The following DNAAF9 variants were observed in gnomAD, a reference collection of about 807,000 sequenced individuals.
The protein encoded by DNAAF9 is shulin.
In DNAAF9, 90 loss-of-function variants were observed where a neutral mutation model predicts 167.0. The observed-to-expected ratio is 0.54, with a 90% CI of 0.45 to 0.64. The LOEUF (loss-of-function observed/expected upper bound fraction) is 0.64, where lower values mean the gene tolerates loss of function less well. Ranked by LOEUF, DNAAF9 falls within the 30% of genes least tolerant of loss-of-function variation. The pLI, the probability that DNAAF9 is intolerant of heterozygous loss-of-function variation, is 0.00. For missense variants in DNAAF9, 1,315 were observed against 1,442.2 expected, an observed-to-expected ratio of 0.91 and a Z score of 1.43; for synonymous variants, 491 against 508.8, an observed-to-expected ratio of 0.96 and a Z score of 0.47.
intron 10 of DNAAF9, among the ~76,000 whole-genome samples, chr20:3,336,928 T>C (rs1002624919): frequency 6.7e-6 from 1 of 148,190 alleles, no homozygotes; most frequent in Non-Finnish European, 1.5e-5. Context: ...TCGCCCAGGC[T>C]GGAGGCAGTG....
intron 9 of DNAAF9, among the ~76,000 whole-genome samples, chr20:3,343,116 G>A (rs2070120213): frequency 6.6e-6 from 1 of 152,116 alleles, no homozygotes; most frequent in African/African-American, 2.4e-5. Context: ...CCTGAGCCAG[G>A]AATGAAATTA....
intron 6 of DNAAF9, chr20:3,362,440 A>C (rs1167818432): frequency 9.6e-6 from 4 of 416,386 alleles, no homozygotes; most frequent in Non-Finnish European, 1.7e-5. Context: ...TTGCTTTCTT[A>C]TTATTATTCT....
intron 1 of DNAAF9, among the ~76,000 whole-genome samples, chr20:3,388,927 G>T (rs746878503): frequency 6.6e-6 from 1 of 152,144 alleles, no homozygotes; most frequent in East Asian, 1.9e-4. Flanking sequence ...ACACTTAGAA[G>T]TAGTTAAAAT....
intron 1 of DNAAF9, among the ~76,000 whole-genome samples, chr20:3,406,647 G>T (rs973550011): frequency 1.3e-5 from 2 of 152,182 alleles, no homozygotes; most frequent in Non-Finnish European, 2.9e-5. Flanking sequence ...AGGGGGCGGG[G>T]AACGCTCCCC....
At position 3,376,664 on chromosome 20, in the gene DNAAF9, C is replaced by T. The variant is rs145889683; in HGVS notation, c.284-362G>A. On this transcript the variant is annotated intron_variant, in intron 3 of 36. Transcript: ENST00000252032. ...TGTAAAGTGTACATTTGGTTTGGTC[C>T]AGAAAGTCGGGGTCAGGAGTGAAAG... Among the ~76,000 whole-genome samples, 814 of 152,306 alleles carry T rather than the reference C, an allele frequency of 5.3e-3. 7 individuals carry two copies. The highest frequency in any genetic ancestry group is 0.018 in the African/African-American group (758 of 41,558).
chr20:3,346,586 T>C (rs1392812188), intron 8 of DNAAF9, among the ~76,000 whole-genome samples: 1 of 152,086 alleles, frequency 6.6e-6, no homozygotes, highest in Non-Finnish European at 1.5e-5. Context: ...AATGACTATA[T>C]GCTACCCTTC....
intron 6 of DNAAF9, among the ~76,000 whole-genome samples, chr20:3,368,679 AT>A (rs1329082707): frequency 2.0e-5 from 3 of 151,398 alleles, no homozygotes; most frequent in Non-Finnish European, 2.9e-5. Context: ...AGCCCGGCTA[AT>A]TTTTGTATTT....
At chr20:3,397,243 G>A (rs1234614881) in intron 1 of DNAAF9, among the ~76,000 whole-genome samples, 11 of 131,930 alleles carry the variant, frequency 8.3e-5, no homozygotes, top group South Asian at 2.4e-4. Context: ...GTGAGACCCC[G>A]TATCAAAAAA....
chr20:3,382,608 T>G, intron 1 of DNAAF9, 102 bp from the exon 2 acceptor site: 1 of 860,296 alleles, frequency 1.2e-6, no homozygotes, highest in Non-Finnish European at 1.9e-6. Flanking sequence ...GAGGAATGAC[T>G]TTGCTGGGGA....
intron 16 of DNAAF9, among the ~76,000 whole-genome samples, chr20:3,320,234 T>C (rs966675174): frequency 2.2e-4 from 33 of 152,206 alleles, no homozygotes; most frequent in African/African-American, 6.8e-4. Context: ...TATGATATCA[T>C]ATGACACATT....
intron 10 of DNAAF9, among the ~76,000 whole-genome samples, chr20:3,338,478 G>T (rs1020095466): frequency 6.6e-6 from 1 of 152,022 alleles, no homozygotes; most frequent in African/African-American, 2.4e-5. Context: ...ATCCTGCTTG[G>T]TGTTCTCTAA....
chr20:3,397,361 C>T (rs1279315279), intron 1 of DNAAF9, among the ~76,000 whole-genome samples: 1 of 151,694 alleles, frequency 6.6e-6, no homozygotes, highest in Non-Finnish European at 1.5e-5. Context: ...CTCAGTCACC[C>T]AGGCTGGAGT....
intron 20 of DNAAF9, among the ~76,000 whole-genome samples, chr20:3,313,220 C>T (rs1288966383): frequency 1.3e-5 from 2 of 152,226 alleles, no homozygotes; most frequent in East Asian, 1.9e-4. Flanking sequence ...CCACATACTC[C>T]CTGCCTTCAG....
chr20:3,376,245 A>C lies in DNAAF9; in HGVS notation c.341T>G (p.Phe114Cys). 1 of 1,613,456 alleles carries C rather than the reference A, an allele frequency of 6.2e-7. No homozygotes were observed. The highest frequency in any genetic ancestry group is 1.1e-5 in the South Asian group (1 of 91,050). ...TGCCACATAAGGTAAGAGATAGCGA[A>C]AGTTTACAGGATTACAGTACAGATG... The part of the protein sequence containing the change: ...SVHLYCNPVN[F>C]RYLLPYVAHW... Residue 114 changes from phenylalanine (F) to cysteine (C), a missense_variant, in exon 4 of 37, where the codon TTT becomes TGT. Coordinates refer to ENST00000252032, the MANE Select transcript of DNAAF9 (RefSeq NM_001009984.3).
chr20:3,255,146 C>T (rs1200780922), intron 35 of DNAAF9, 73 bp downstream of exon 35: 3 of 912,652 alleles, frequency 3.3e-6, no homozygotes, highest in Non-Finnish European at 5.2e-6. Flanking sequence ...CTCAGAGAAT[C>T]CAAAATACAG....
At chr20:3,340,772 C>T (rs1312445002) in intron 9 of DNAAF9, 133 bp from the exon 10 acceptor site, 9 of 736,246 alleles carry the variant, frequency 1.2e-5, no homozygotes, top group Non-Finnish European at 1.9e-5. Context: ...TCAGTACAGT[C>T]GACCGAATAT....
intron 14 of DNAAF9, among the ~76,000 whole-genome samples, chr20:3,323,535 C>A (rs945791111): frequency 1.3e-5 from 2 of 152,030 alleles, no homozygotes; most frequent in African/African-American, 4.8e-5. Flanking sequence ...CCTGTCTTGG[C>A]CTCCCAAAGT....
intron 27 of DNAAF9, among the ~76,000 whole-genome samples, chr20:3,282,717 C>A (rs1325761460): frequency 6.6e-6 from 1 of 152,178 alleles, no homozygotes; most frequent in African/African-American, 2.4e-5. Flanking sequence ...GGTCTCCTGG[C>A]TCTTTTCTGA....
intron 23 of DNAAF9, chr20:3,296,403 G>T (rs6139064): frequency 0.18 from 58,676 of 318,812 alleles, 6,148 homozygotes; most frequent in African/African-American, 0.28. Context: ...TTTGAGAAAG[G>T]GTCTTGTTTC....
Sources: allele counts gnomAD v4.1 joint callset (sites outside exome capture counted in the v4.1 genomes callset), GRCh38; gene constraint gnomAD v4.1.1; transcripts MANE v1.5; gene names NCBI Gene and HGNC (gene_info 2026-07-23, HGNC 2026-07-21).